PSEN1: variants seen among roughly 807,000 people sequenced by gnomAD.
PSEN1 encodes presenilin-1.
In PSEN1, 15 loss-of-function variants were observed where a neutral mutation model predicts 53.5. That is an observed-to-expected ratio of 0.28 (90% CI 0.19 to 0.43). PSEN1 has a LOEUF of 0.43. PSEN1 is among the 20% of genes least tolerant of loss of function. The probability of loss-of-function intolerance (pLI) is 1.00; values close to 1 mark genes in which losing one functional copy is unlikely to be tolerated. For synonymous variants in PSEN1, 208 were observed against 209.8 expected (o/e 0.99, Z 0.08); for missense variants, 387 against 571.2 (o/e 0.68, Z 3.29).
rs1899709613 is a variant in PSEN1 at position 73,212,031 on chromosome 14, G to A, written c.1129+89G>A. ...TTTGAGAATAAAATGAATTGAGAGT[G>A]TTACAGTCTAATTCTATATCACATG... On this transcript the variant is annotated intron_variant, in intron 10 of 11. Coordinates refer to ENST00000324501, the MANE Select transcript of PSEN1 (RefSeq NM_000021.4). The A allele has an allele frequency of 4.1e-6, 4 of 975,452 alleles. No homozygotes were observed. The African/African-American group carries it at 7.3e-5, about 18-fold the overall frequency. 60.4% of individuals were successfully genotyped at this position (975,452 alleles called of 1,614,324 possible).
At chr14:73,202,896 C>T (rs759979983) in intron 8 of PSEN1, among the ~76,000 whole-genome samples, 1 of 152,166 alleles carries the variant, frequency 6.6e-6, no homozygotes, top group African/African-American at 2.4e-5. Flanking sequence ...TATTTAATAA[C>T]CACAGAATAT....
At chr14:73,182,699 G>A (rs780676930) in intron 5 of PSEN1, among the ~76,000 whole-genome samples, 8 of 151,920 alleles carry the variant, frequency 5.3e-5, no homozygotes, top group African/African-American at 1.7e-4. Flanking sequence ...TCACCTGGGC[G>A]TTGGTGGTGG....
At chr14:73,192,483 G>A (rs1290972651) in intron 6 of PSEN1, among the ~76,000 whole-genome samples, 161 bp from the exon 7 acceptor site, 3 of 152,038 alleles carry the variant, frequency 2.0e-5, no homozygotes. Flanking sequence ...TTAATTTAAA[G>A]GGAAGTATTA....
intron 5 of PSEN1, among the ~76,000 whole-genome samples, chr14:73,176,611 C>T (rs570400503): frequency 1.3e-5 from 2 of 152,258 alleles, no homozygotes; most frequent in South Asian, 2.1e-4. Context: ...GAGAAAACAC[C>T]ATTTCTAAAC....
At chr14:73,168,393 TG>T (rs1350387064) in intron 3 of PSEN1, 1 of 150,734 alleles carries the variant, frequency 6.6e-6, no homozygotes, top group Non-Finnish European at 1.5e-5. Context: ...TTTCAGCAGC[TG>T]GGAGAACAAT....
chr14:73,186,246 G>A (rs879355339), intron 5 of PSEN1, among the ~76,000 whole-genome samples: 10 of 152,138 alleles, frequency 6.6e-5, no homozygotes, highest in Non-Finnish European at 8.8e-5. Context: ...AGGTGTGGTG[G>A]CACATGTCTG....
chr14:73,210,461 A>G (rs1899631949), intron 9 of PSEN1, among the ~76,000 whole-genome samples: 1 of 152,214 alleles, frequency 6.6e-6, no homozygotes, highest in African/African-American at 2.4e-5. Flanking sequence ...TAGGAGGTGA[A>G]TAAGTACCTC....
chr14:73,160,457 T>G (rs1461165966), intron 3 of PSEN1, among the ~76,000 whole-genome samples: 1 of 152,250 alleles, frequency 6.6e-6, no homozygotes, highest in East Asian at 1.9e-4. Context: ...GGTAGTTTAA[T>G]TTTTTGAGGA....
chr14:73,175,560 AT>A (rs1317414267), intron 5 of PSEN1, among the ~76,000 whole-genome samples: 1 of 151,972 alleles, frequency 6.6e-6, no homozygotes, highest in Non-Finnish European at 1.5e-5. Flanking sequence ...CTTTTCTAAC[AT>A]GGTTAAAATG....
rs773436137 is a variant in PSEN1, at chr14:73,217,286, CA to C, written c.1248+46del. On this transcript the variant is annotated intron_variant, in intron 11 of 11. Coordinates refer to ENST00000324501, the MANE Select transcript of PSEN1 (RefSeq NM_000021.4). Reference sequence around the variant, plus strand: ...AAGAATGTGTCAGAGCTCTTAATGTCAAAACTTTGATTACACAGTCCCTTTA... The same window carrying C: ...AAGAATGTGTCAGAGCTCTTAATGTCAAACTTTGATTACACAGTCCCTTTA... 3.7e-6 allele frequency: 6 copies of C among 1,609,560 alleles called. No homozygotes were observed. The East Asian group carries it at 1.3e-4, about 36-fold the overall frequency.
intron 9 of PSEN1, among the ~76,000 whole-genome samples, chr14:73,211,423 G>A (rs1899674631): frequency 6.6e-6 from 1 of 152,146 alleles, no homozygotes. Context: ...GGTGGACTTT[G>A]CTTCACCACT....
intron 3 of PSEN1, among the ~76,000 whole-genome samples, chr14:73,160,988 T>TC (rs1897518257): frequency 6.7e-6 from 1 of 149,466 alleles, no homozygotes; most frequent in African/African-American, 2.5e-5. Context: ...TTTTTTTTTT[T>TC]CGATACAAGG....
At chr14:73,188,178 T>C (rs1040125329) in intron 6 of PSEN1, among the ~76,000 whole-genome samples, 3 of 150,254 alleles carry the variant, frequency 2.0e-5, no homozygotes, top group Admixed American at 1.3e-4. Context: ...CCGCCCGCCT[T>C]GGCCTCCCAA....
At chr14:73,206,301 T>G in intron 8 of PSEN1, 85 bp from the exon 9 acceptor site, 1 of 931,810 alleles carries the variant, frequency 1.1e-6, no homozygotes, top group Non-Finnish European at 1.8e-6. Flanking sequence ...AGACTGGCGA[T>G]TTGTGTGGAG....
chr14:73,197,468 T>C (rs2140103780), intron 7 of PSEN1, among the ~76,000 whole-genome samples: 1 of 152,350 alleles, frequency 6.6e-6, no homozygotes, highest in African/African-American at 2.4e-5. Context: ...TTTATTTAAA[T>C]TTACTGCCCT....
chr14:73,202,458 ATATATTTTTTTTT>A (rs1899258653), intron 8 of PSEN1, among the ~76,000 whole-genome samples: 7 of 13,836 alleles, frequency 5.1e-4, no homozygotes, highest in African/African-American at 2.4e-3. Flanking sequence ...ATATATATAT[ATATATTTTTTTTT>A]TTTTTTTTTT....
chr14:73,169,099 T>C lies in PSEN1; in HGVS notation c.88-1698T>C, dbSNP rs570474027. The C allele has an allele frequency of 2.0e-5, 3 of 152,368 alleles. No individual in the cohort carries two copies. In the East Asian group the frequency reaches 5.8e-4, roughly 29 times the overall value. The allele number at this position is 152,368 out of a possible 1,614,324, so 9.4% of individuals were successfully genotyped here. On this transcript the variant is annotated intron_variant, in intron 3 of 11. Coordinates refer to ENST00000324501, the MANE Select transcript of PSEN1 (RefSeq NM_000021.4). ...ATCTCAATCCGACTTCCCTCTTCACTGTTTTACTTTTGTAAAACCCTTGAT... is the reference window on the plus strand; with the variant it reads ...ATCTCAATCCGACTTCCCTCTTCACCGTTTTACTTTTGTAAAACCCTTGAT...
chr14:73,178,849 C>T (rs904778324), intron 5 of PSEN1, among the ~76,000 whole-genome samples: 2 of 152,088 alleles, frequency 1.3e-5, no homozygotes, highest in African/African-American at 4.8e-5. Context: ...TAGGTCCAGC[C>T]AGCCTTGTCA....
Position 73,222,088 on chromosome 14 carries a change from T to C in PSEN1, c.*2799T>C, listed in dbSNP as rs1037288868. On this transcript the variant is annotated 3_prime_UTR_variant, in exon 12 of 12. Coordinates refer to ENST00000324501, the MANE Select transcript of PSEN1 (RefSeq NM_000021.4). ...ATTTGGAAGATTTGCAGATTTTTTT[T>C]CAGAGAGGAAAGACTCACCTTCCTG... 1.3e-5 allele frequency: 2 copies of C among 152,238 alleles called. No homozygotes were observed. Among genetic ancestry groups the C allele is most frequent in the African/African-American group, 2.4e-5 (1 of 41,472 alleles). The allele number at this position is 152,238 out of a possible 1,614,324, so 9.4% of individuals were successfully genotyped here.
Sources: allele counts gnomAD v4.1 joint callset (sites outside exome capture counted in the v4.1 genomes callset), GRCh38; gene constraint gnomAD v4.1.1; transcripts MANE v1.5; gene names NCBI Gene and HGNC (gene_info 2026-07-23, HGNC 2026-07-21).